Variants in DPYD observed in about 807,000 individuals in gnomAD.
DPYD encodes dihydropyrimidine dehydrogenase.
A neutral mutation model predicts 116.2 loss-of-function variants in DPYD; 109 were observed. The ratio of observed to expected loss-of-function variants is 0.94; its 90% CI spans 0.80 to 1.10. The LOEUF is 1.10. DPYD is among the 50% of genes least tolerant of loss of function. The pLI is 0.00. For missense variants in DPYD, 1,302 were observed against 1,254.5 expected (o/e 1.04, Z -0.57); for synonymous variants, 440 against 432.0 (o/e 1.02, Z -0.23).
chr1:97,135,425 A>G (rs2101681261), intron 20 of DPYD, among the ~76,000 whole-genome samples: 1 of 152,302 alleles, frequency 6.6e-6, no homozygotes, highest in African/African-American at 2.4e-5. Flanking sequence ...TTTCTTGGCT[A>G]CCAATAAGTT....
At chr1:97,238,232 C>A (rs1282583082) in intron 18 of DPYD, among the ~76,000 whole-genome samples, 1 of 152,024 alleles carries the variant, frequency 6.6e-6, no homozygotes, top group Non-Finnish European at 1.5e-5. Context: ...TTAAGAGTAA[C>A]TATGTTCTCT....
chr1:97,323,338 A>ATGTATACACATGTG (rs1240837543), intron 16 of DPYD, among the ~76,000 whole-genome samples: 1 of 105,848 alleles, frequency 9.4e-6, no homozygotes, highest in African/African-American at 3.4e-5. Flanking sequence ...ATGTACACGT[A>ATGTATACACATGTG]TATATACATG....
intron 20 of DPYD, among the ~76,000 whole-genome samples, chr1:97,112,836 G>A (rs969282193): frequency 5.9e-5 from 9 of 152,118 alleles, no homozygotes; most frequent in African/African-American, 1.4e-4. Flanking sequence ...AATGAAATTC[G>A]GTCAACTTAG....
At chr1:97,757,933 C>A (rs1297641944) in intron 3 of DPYD, among the ~76,000 whole-genome samples, 1 of 152,096 alleles carries the variant, frequency 6.6e-6, no homozygotes, top group African/African-American at 2.4e-5. Context: ...GGCAGCTTGG[C>A]GCTAACCATT....
chr1:97,299,171 A>C (rs1008318600), intron 18 of DPYD, among the ~76,000 whole-genome samples: 1 of 152,148 alleles, frequency 6.6e-6, no homozygotes, highest in African/African-American at 2.4e-5. Flanking sequence ...GATATGCATG[A>C]ATCTGTGAAT....
At chr1:97,435,608 A>G (rs1004804160) in intron 14 of DPYD, among the ~76,000 whole-genome samples, 20 of 151,962 alleles carry the variant, frequency 1.3e-4, no homozygotes, top group African/African-American at 4.8e-4. Flanking sequence ...CTAATCAAAA[A>G]TAACAATTAA....
chr1:97,650,377 T>C (rs1658513757), intron 8 of DPYD, among the ~76,000 whole-genome samples: 1 of 152,138 alleles, frequency 6.6e-6, no homozygotes, highest in Non-Finnish European at 1.5e-5. Context: ...TATTCAATCA[T>C]TCAACAAAAC....
At chr1:97,864,588 C>T (rs1253029834) in intron 2 of DPYD, among the ~76,000 whole-genome samples, 1 of 151,658 alleles carries the variant, frequency 6.6e-6, no homozygotes, top group Non-Finnish European at 1.5e-5. Context: ...AAGCTTAAGA[C>T]AGATGTTAGA....
chr1:97,554,940 G>GA (rs893819091), intron 11 of DPYD, among the ~76,000 whole-genome samples: 6 of 151,596 alleles, frequency 4.0e-5, no homozygotes, highest in Admixed American at 2.6e-4. Flanking sequence ...TCTCCAATTT[G>GA]AAAAAAACTT....
intron 12 of DPYD, chr1:97,546,325 C>G: frequency 7.0e-7 from 1 of 1,423,526 alleles, no homozygotes; most frequent in Non-Finnish European, 9.9e-7. Flanking sequence ...GCAACAGAAA[C>G]AAAAGCTGGC....
chr1:97,596,148 A>T (rs909210397), intron 8 of DPYD, among the ~76,000 whole-genome samples: 1 of 152,136 alleles, frequency 6.6e-6, no homozygotes, highest in African/African-American at 2.4e-5. Flanking sequence ...CGTATAAAAG[A>T]AAAAGACAAC....
intron 12 of DPYD, among the ~76,000 whole-genome samples, chr1:97,529,989 C>T (rs1649475377): frequency 1.3e-5 from 2 of 150,994 alleles, no homozygotes; most frequent in Admixed American, 1.3e-4. Context: ...GCATCCCTCT[C>T]ACCCATCTCC....
At chr1:97,385,830 C>G (rs1463007460) in intron 14 of DPYD, among the ~76,000 whole-genome samples, 1 of 152,136 alleles carries the variant, frequency 6.6e-6, no homozygotes. Context: ...CAAGTAGGGA[C>G]TAACACTGTT....
chr1:97,448,473 CTG>C (rs1676213641), intron 14 of DPYD, among the ~76,000 whole-genome samples: 1 of 152,146 alleles, frequency 6.6e-6, no homozygotes. Context: ...ACTTTTGTAA[CTG>C]TGCCTAGCAC....
chr1:97,567,985 T>G (rs1652648841), intron 11 of DPYD, among the ~76,000 whole-genome samples: 1 of 152,100 alleles, frequency 6.6e-6, no homozygotes, highest in African/African-American at 2.4e-5. Flanking sequence ...CAAGAAAATT[T>G]GGCAAAATGG....
chr1:97,834,496 C>A (rs1669673620), intron 2 of DPYD, among the ~76,000 whole-genome samples: 1 of 151,762 alleles, frequency 6.6e-6, no homozygotes, highest in South Asian at 2.1e-4. Context: ...TGAAAACCTG[C>A]AGGATACTAA....
intron 19 of DPYD, among the ~76,000 whole-genome samples, chr1:97,217,248 A>G (rs1197631755): frequency 2.0e-5 from 3 of 152,150 alleles, no homozygotes; most frequent in African/African-American, 4.8e-5. Context: ...GTTAATTGAT[A>G]ATAATTATTC....
chr1:97,600,783 A>C (rs72732366), intron 8 of DPYD, among the ~76,000 whole-genome samples: 1 of 152,176 alleles, frequency 6.6e-6, no homozygotes, highest in Non-Finnish European at 1.5e-5. Context: ...GTTTGAGTAC[A>C]TATAAGTTAA....
intron 8 of DPYD, among the ~76,000 whole-genome samples, chr1:97,652,605 A>G (rs1469030466): frequency 1.3e-5 from 2 of 152,180 alleles, no homozygotes; most frequent in African/African-American, 4.8e-5. Flanking sequence ...AGCAAAGCAT[A>G]TTATCAAGAT....
Sources: allele counts gnomAD v4.1 joint callset (sites outside exome capture counted in the v4.1 genomes callset), GRCh38; gene constraint gnomAD v4.1.1; transcripts MANE v1.5; gene names NCBI Gene and HGNC (gene_info 2026-07-23, HGNC 2026-07-21).